Variants in LAMC1 observed in about 807,000 individuals in gnomAD.
The protein encoded by LAMC1 is laminin subunit gamma-1.
LAMC1 carries 38 observed loss-of-function variants against 173.6 expected under a neutral mutation model. The observed-to-expected ratio is 0.22, with a 90% CI of 0.17 to 0.29. The LOEUF (loss-of-function observed/expected upper bound fraction) is 0.29, where lower values mean the gene tolerates loss of function less well. LAMC1 is among the 10% of genes least tolerant of loss of function. The pLI is 1.00. For missense variants in LAMC1, 1,824 were observed against 2,051.8 expected (o/e 0.89, Z 2.14); for synonymous variants, 746 against 749.1 (o/e 1.00, Z 0.07).
intron 11 of LAMC1, among the ~76,000 whole-genome samples, chr1:183,120,167 CAAAAAAAAAAA>C (rs55642592): frequency 1.5e-5 from 1 of 64,728 alleles, no homozygotes; most frequent in South Asian, 8.3e-4. Context: ...GGATCTATCT[CAAAAAAAAAAA>C]AAAAAAAAAA....
At chr1:183,139,439 C>T (rs1025578523) in intron 26 of LAMC1, among the ~76,000 whole-genome samples, 2 of 152,218 alleles carry the variant, frequency 1.3e-5, no homozygotes, top group Non-Finnish European at 2.9e-5. Flanking sequence ...TCGCTCTTGG[C>T]CGGCCCTGGC....
chr1:183,026,508 T>A (rs959432451), intron 1 of LAMC1, among the ~76,000 whole-genome samples: 7 of 152,202 alleles, frequency 4.6e-5, no homozygotes, highest in Non-Finnish European at 7.3e-5. Context: ...TGTTTTGATG[T>A]TTAGCATATT....
At chr1:183,116,071 A>G (rs1420397280) in intron 6 of LAMC1, among the ~76,000 whole-genome samples, 1 of 149,998 alleles carries the variant, frequency 6.7e-6, no homozygotes, top group Non-Finnish European at 1.5e-5. Context: ...TGGAGCTTGC[A>G]GTGAGCCGAG....
At chr1:183,118,376 A>G (rs541996440) in intron 11 of LAMC1, among the ~76,000 whole-genome samples, 37 of 152,282 alleles carry the variant, frequency 2.4e-4, no homozygotes, top group South Asian at 4.1e-4. Flanking sequence ...TGATTACTCA[A>G]TTGATCAGTA....
At chr1:183,088,657 A>G (rs746973045) in intron 1 of LAMC1, among the ~76,000 whole-genome samples, 19 of 152,252 alleles carry the variant, frequency 1.2e-4, no homozygotes, top group Non-Finnish European at 2.6e-4. Flanking sequence ...CAAGAAACAC[A>G]AAAGAATAAA....
intron 1 of LAMC1, among the ~76,000 whole-genome samples, chr1:183,098,945 C>CA (rs1033690439): frequency 6.6e-6 from 1 of 151,978 alleles, no homozygotes; most frequent in Non-Finnish European, 1.5e-5. Flanking sequence ...TATCAGAAAA[C>CA]AAAAAAGAAA....
chr1:183,088,686 C>G (rs1655493076), intron 1 of LAMC1, among the ~76,000 whole-genome samples: 1 of 152,114 alleles, frequency 6.6e-6, no homozygotes, highest in Non-Finnish European at 1.5e-5. Flanking sequence ...TAGTGAATTA[C>G]AATAAGTGCT....
chr1:183,054,731 T>C (rs1029874238), intron 1 of LAMC1, among the ~76,000 whole-genome samples: 1 of 152,194 alleles, frequency 6.6e-6, no homozygotes, highest in Non-Finnish European at 1.5e-5. Context: ...AGTTCCTGGC[T>C]TGGAGACTAC....
At chr1:183,079,487 C>T (rs772434100) in intron 1 of LAMC1, among the ~76,000 whole-genome samples, 21 of 151,646 alleles carry the variant, frequency 1.4e-4, no homozygotes, top group Admixed American at 3.3e-4. Context: ...ATCTCCTGAC[C>T]TCAAGTGATC....
intron 5 of LAMC1, 87 bp downstream of exon 5, chr1:183,114,806 C>G (rs1274764871): frequency 7.8e-7 from 1 of 1,283,884 alleles, no homozygotes; most frequent in African/African-American, 1.5e-5. Context: ...GGCATTTGGA[C>G]AACTAAATGT....
rs1281259834 is a variant in LAMC1, at chr1:183,116,660, G to T, written c.1412G>T (p.Gly471Val). The T allele has an allele frequency of 1.2e-6, 2 of 1,612,986 alleles. No individual in the cohort carries two copies. Among genetic ancestry groups the T allele is most frequent in the South Asian group, 2.2e-5 (2 of 91,028 alleles). Residue 471 changes from glycine (G) to valine (V), a missense_variant, in exon 7 of 28, where the codon GGC (glycine) becomes GTC (valine). Physicochemically the swap from Gly to Val is moderately radical, Grantham distance 109. Coordinates refer to ENST00000258341, the MANE Select transcript of LAMC1 (RefSeq NM_002293.4). Reference protein sequence around the residue: ...GRCVCKDNVEGFNCERCKPGF... With the variant: ...GRCVCKDNVEVFNCERCKPGF... ...TGTGTTTGCAAAGACAATGTCGAAG[G>T]CTTCAATTGTGAAAGGTAGTGCATT... is the stretch of plus-strand genomic sequence containing the variant.
chr1:183,123,839 A>C (rs1043138307), intron 13 of LAMC1, among the ~76,000 whole-genome samples: 5 of 152,230 alleles, frequency 3.3e-5, no homozygotes, highest in African/African-American at 1.2e-4. Flanking sequence ...AGATGCTCAG[A>C]AAATACTTGT....
intron 18 of LAMC1, among the ~76,000 whole-genome samples, chr1:183,129,700 A>G (rs1341883659): frequency 6.6e-6 from 1 of 152,208 alleles, no homozygotes; most frequent in Non-Finnish European, 1.5e-5. Flanking sequence ...TTTAATAATA[A>G]CAGACTTATA....
chr1:183,090,817 G>A (rs1355841798), intron 1 of LAMC1, among the ~76,000 whole-genome samples: 2 of 152,148 alleles, frequency 1.3e-5, no homozygotes, highest in Non-Finnish European at 2.9e-5. Context: ...CCTGGTGGGG[G>A]GAGGGTGGGT....
intron 1 of LAMC1, among the ~76,000 whole-genome samples, chr1:183,065,050 A>AT (rs879874424): frequency 3.2e-4 from 47 of 148,762 alleles, no homozygotes; most frequent in Admixed American, 8.1e-4. Flanking sequence ...CTGGGAACTG[A>AT]TTTTTTTTTT....
At chr1:183,135,890 C>CAAA (rs34380430) in intron 24 of LAMC1, among the ~76,000 whole-genome samples, 4 of 104,080 alleles carry the variant, frequency 3.8e-5, no homozygotes, top group Admixed American at 1.0e-4. Context: ...CCTTGTCTCT[C>CAAA]AAAAAAAAAA....
rs530517402 is a variant in LAMC1 at position 183,115,522 on chromosome 1, T to G, written c.1213T>G (p.Ser405Ala). ...ACAATAGGCATTTTACATTTTAGGC[T>G]CTCTAAGCACACAGTGTGATAGTTA... is the stretch of plus-strand genomic sequence containing the variant. The part of the protein sequence containing the change: ...CSSCHCSPVG[S>A]LSTQCDSYGR... Residue 405 changes from serine (S) to alanine (A), a missense_variant and splice_region_variant, in exon 6 of 28, where the codon TCT becomes GCT. Ser to Ala is a moderately conservative substitution (Grantham distance 99, BLOSUM62 1). Coordinates refer to ENST00000258341, the MANE Select transcript of LAMC1 (RefSeq NM_002293.4). The G allele has an allele frequency of 6.2e-7, 1 of 1,609,738 alleles. No individual in the cohort carries two copies. Among genetic ancestry groups the G allele is most frequent in the African/African-American group, 1.3e-5 (1 of 74,946 alleles).
Position 183,131,457 on chromosome 1 carries a change from G to GTA in LAMC1, c.3566+80_3566+81insAT, listed in dbSNP as rs1375633349. The GTA allele has an allele frequency of 9.8e-6, 10 of 1,021,658 alleles. No individual in the cohort carries two copies. The East Asian group carries it at 2.4e-4, about 24-fold the overall frequency. The allele number at this position is 1,021,658 out of a possible 1,614,324, so 63.3% of individuals were successfully genotyped here. ...TGTGTGTGTGTGTGTGTGTGTGTGT[G>GTA]TGTATTGTCTTATCCCATAACCCAT... On this transcript the variant is annotated intron_variant, in intron 20 of 27. Transcript: ENST00000258341.
intron 1 of LAMC1, among the ~76,000 whole-genome samples, chr1:183,048,891 C>T (rs1316212069): frequency 1.3e-5 from 2 of 152,118 alleles, no homozygotes; most frequent in Non-Finnish European, 2.9e-5. Flanking sequence ...CTCGAAAATA[C>T]CAGGTATCAC....
Sources: gnomAD v4.1 joint callset for allele counts (sites outside exome capture counted in the v4.1 genomes callset) on GRCh38, gnomAD v4.1.1 for gene constraint, MANE v1.5 for transcripts, NCBI Gene and HGNC (gene_info 2026-07-23, HGNC 2026-07-21) for gene names.